The following AFF3 variants were observed in gnomAD, a reference collection of about 807,000 sequenced individuals.
The protein encoded by AFF3 is AF4/FMR2 family member 3.
Under a neutral mutation model 129.7 loss-of-function variants are expected in AFF3, and 32 were observed. The ratio of observed to expected loss-of-function variants is 0.25; its 90% CI spans 0.19 to 0.33. The LOEUF (loss-of-function observed/expected upper bound fraction) is 0.33, where lower values mean the gene tolerates loss of function less well. AFF3 is among the 10% of genes least tolerant of loss of function. The pLI is 1.00. For synonymous variants in AFF3, 644 were observed against 635.4 expected, an observed-to-expected ratio of 1.01 and a Z score of -0.20; for missense variants, 1,373 against 1,592.0, an observed-to-expected ratio of 0.86 and a Z score of 2.34.
chr2:99,712,074 T>C (rs1056601238), intron 11 of AFF3, among the ~76,000 whole-genome samples: 9 of 152,182 alleles, frequency 5.9e-5, no homozygotes, highest in African/African-American at 2.2e-4. Flanking sequence ...AGTAAACCAT[T>C]GCTTATGTGG....
intron 13 of AFF3, among the ~76,000 whole-genome samples, chr2:99,617,397 C>T (rs565723678): frequency 6.6e-6 from 1 of 152,316 alleles, no homozygotes; most frequent in East Asian, 1.9e-4. Flanking sequence ...TGGATTTCCC[C>T]AGAGGAAAAT....
chr2:100,104,977 C>A, intron 3 of AFF3: 1 of 148,540 alleles, frequency 6.7e-6, no homozygotes, highest in South Asian at 2.0e-4. Context: ...CCGCGGCGCT[C>A]GCAGGCCGCG....
chr2:99,695,942 A>G (rs1009560765), intron 11 of AFF3, among the ~76,000 whole-genome samples: 10 of 120,186 alleles, frequency 8.3e-5, no homozygotes, highest in Non-Finnish European at 1.6e-4. Flanking sequence ...AAAAATGAAA[A>G]AAAAAAAAAA....
chr2:99,598,819 G>C (rs1575468729), intron 14 of AFF3, among the ~76,000 whole-genome samples: 1 of 152,238 alleles, frequency 6.6e-6, no homozygotes, highest in East Asian at 1.9e-4. Flanking sequence ...AGCTGTGGAG[G>C]ACACACAGGG....
At chr2:99,993,110 T>G (rs1680506110) in intron 7 of AFF3, among the ~76,000 whole-genome samples, 1 of 152,222 alleles carries the variant, frequency 6.6e-6, no homozygotes, top group African/African-American at 2.4e-5. Context: ...GAGTCCAATG[T>G]CACAGAGCAG....
chr2:99,552,348 CCACTG>C (rs1674489046), intron 24 of AFF3, among the ~76,000 whole-genome samples: 1 of 152,118 alleles, frequency 6.6e-6, no homozygotes, highest in Admixed American at 6.5e-5. Context: ...TGAGATTGTG[CCACTG>C]CACTCCAGCC....
chr2:99,628,759 T>A (rs1385829037), intron 13 of AFF3, among the ~76,000 whole-genome samples: 2 of 146,486 alleles, frequency 1.4e-5, no homozygotes, highest in Non-Finnish European at 3.0e-5. Context: ...CTTGTTCTGT[T>A]GCCTAGGCTG....
At chr2:99,877,832 T>G (rs993296988) in intron 7 of AFF3, among the ~76,000 whole-genome samples, 1 of 152,148 alleles carries the variant, frequency 6.6e-6, no homozygotes, top group Non-Finnish European at 1.5e-5. Flanking sequence ...AAACGTGCAC[T>G]ATTCATTCAT....
chr2:99,648,563 T>G (rs1418979733), intron 13 of AFF3, among the ~76,000 whole-genome samples: 1 of 152,060 alleles, frequency 6.6e-6, no homozygotes, highest in Non-Finnish European at 1.5e-5. Context: ...GGGGAAGGTT[T>G]TGTAATTGAA....
At position 99,922,240 on chromosome 2, in the gene AFF3, T is replaced by C. The variant is rs1695908478; in HGVS notation, c.873+84392A>G. On this transcript the variant is annotated intron_variant, in intron 7 of 24. Coordinates refer to ENST00000672756, the MANE Select transcript of AFF3 (RefSeq NM_001386135.1). ...CTCCTAGGGGTTTATACAAAAGAAATCAAACCATGTATCTACAGAAATTCC... is the reference window on the plus strand; with the variant it reads ...CTCCTAGGGGTTTATACAAAAGAAACCAAACCATGTATCTACAGAAATTCC... 2.0e-5 allele frequency among the ~76,000 whole-genome samples: 3 copies of C among 152,114 alleles called. No homozygotes were observed. The South Asian group carries it at 6.2e-4, about 32-fold the overall frequency.
intron 10 of AFF3, among the ~76,000 whole-genome samples, chr2:99,742,865 C>T (rs942929963): frequency 6.6e-6 from 1 of 152,218 alleles, no homozygotes; most frequent in Admixed American, 6.5e-5. Flanking sequence ...CTTTGCTCTT[C>T]TGTCTGTCAA....
intron 8 of AFF3, among the ~76,000 whole-genome samples, chr2:99,784,292 C>A (rs1366761): frequency 0.76 from 115,394 of 152,134 alleles, 45,169 homozygotes; most frequent in South Asian, 0.92. Context: ...TTTTCAGCAC[C>A]CTCGTGGATG....
chr2:99,737,286 T>A (rs916958265), intron 10 of AFF3, among the ~76,000 whole-genome samples: 2 of 152,184 alleles, frequency 1.3e-5, no homozygotes, highest in Admixed American at 6.5e-5. Flanking sequence ...GCAATCAACA[T>A]TGTTTAAATT....
At chr2:99,894,768 C>A (rs1472658542) in intron 7 of AFF3, among the ~76,000 whole-genome samples, 1 of 152,120 alleles carries the variant, frequency 6.6e-6, no homozygotes, top group Admixed American at 6.5e-5. Context: ...AGCCACTGCA[C>A]CCGGCCAGGA....
chr2:99,999,380 A>G (rs1490482900), intron 7 of AFF3, among the ~76,000 whole-genome samples: 1 of 152,224 alleles, frequency 6.6e-6, no homozygotes, highest in East Asian at 1.9e-4. Context: ...ACCTTCTTTC[A>G]TCCATATCCT....
At chr2:99,913,689 T>A (rs1447577703) in intron 7 of AFF3, among the ~76,000 whole-genome samples, 1 of 152,060 alleles carries the variant, frequency 6.6e-6, no homozygotes, top group East Asian at 1.9e-4. Context: ...TAGGTTGGGG[T>A]TGTAGAATGA....
intron 4 of AFF3, among the ~76,000 whole-genome samples, chr2:100,073,900 A>G (rs951608676): frequency 2.6e-5 from 4 of 152,200 alleles, no homozygotes; most frequent in Non-Finnish European, 5.9e-5. Context: ...ACGGACCTGA[A>G]TAAGAGACTA....
intron 4 of AFF3, among the ~76,000 whole-genome samples, chr2:100,038,883 C>T (rs936746004): frequency 4.6e-5 from 7 of 151,978 alleles, no homozygotes; most frequent in East Asian, 3.9e-4. Context: ...CGACCACGCC[C>T]GGCTAATTTT....
Position 99,710,445 on chromosome 2 carries a change from T to C in AFF3, c.1091+16632A>G, listed in dbSNP as rs548883328. Among the ~76,000 whole-genome samples, 4 of 152,192 alleles carry C rather than the reference T, an allele frequency of 2.6e-5. No individual in the cohort carries two copies. In the South Asian group the frequency reaches 6.2e-4, roughly 24 times the overall value. Reference sequence around the variant, plus strand: ...CTAATTTTTGTATTTTTAGTAGAGATGGGGTTTCACCATGTTGGTAAAGTT... The same window carrying C: ...CTAATTTTTGTATTTTTAGTAGAGACGGGGTTTCACCATGTTGGTAAAGTT... On this transcript the variant is annotated intron_variant, in intron 11 of 24. Transcript: ENST00000672756.
Sources: allele counts gnomAD v4.1 joint callset (sites outside exome capture counted in the v4.1 genomes callset), GRCh38; gene constraint gnomAD v4.1.1; transcripts MANE v1.5; gene names NCBI Gene and HGNC (gene_info 2026-07-23, HGNC 2026-07-21).